Variants in SCAPER observed in about 807,000 individuals in gnomAD.
SCAPER encodes S-phase cyclin A associated protein in the ER.
SCAPER carries 98 observed loss-of-function variants against 182.2 expected under a neutral mutation model. That is an observed-to-expected ratio of 0.54 (90% CI 0.46 to 0.64). SCAPER has a LOEUF of 0.64. SCAPER is among the 30% of genes least tolerant of loss of function. The probability of loss-of-function intolerance (pLI) is 0.00; values close to 1 mark genes in which losing one functional copy is unlikely to be tolerated. For missense variants in SCAPER, 1,432 were observed against 1,690.0 expected (o/e 0.85, Z 2.68); for synonymous variants, 605 against 564.6 (o/e 1.07, Z -1.01).
At chr15:76,512,909 A>T (rs1400785977) in intron 23 of SCAPER, among the ~76,000 whole-genome samples, 2 of 152,024 alleles carry the variant, frequency 1.3e-5, no homozygotes, top group East Asian at 1.9e-4. Flanking sequence ...CTGTGAAATT[A>T]AAAAATCTCC....
intron 10 of SCAPER, among the ~76,000 whole-genome samples, chr15:76,767,916 A>G (rs973219520): frequency 3.3e-5 from 5 of 152,146 alleles, no homozygotes; most frequent in African/African-American, 1.2e-4. Flanking sequence ...AGAAAGCTGA[A>G]GTATTAACAT....
At chr15:76,476,872 T>C (rs561657290) in intron 24 of SCAPER, among the ~76,000 whole-genome samples, 1 of 151,354 alleles carries the variant, frequency 6.6e-6, no homozygotes, top group South Asian at 2.1e-4. Context: ...GATATAAAAA[T>C]TTACTTCAAT....
intron 29 of SCAPER, among the ~76,000 whole-genome samples, chr15:76,366,120 C>CAT (rs1596313183): frequency 7.4e-6 from 1 of 135,322 alleles, no homozygotes; most frequent in African/African-American, 2.6e-5. Context: ...CACACACACA[C>CAT]ACTACTGGAA....
chr15:76,581,574 T>C (rs371325950), intron 22 of SCAPER, among the ~76,000 whole-genome samples: 3 of 152,290 alleles, frequency 2.0e-5, no homozygotes, highest in East Asian at 1.9e-4. Context: ...ATCATTTCAA[T>C]TGATGCTGAA....
chr15:76,441,608 T>C (rs2047606419), intron 25 of SCAPER, among the ~76,000 whole-genome samples: 1 of 152,200 alleles, frequency 6.6e-6, no homozygotes, highest in Non-Finnish European at 1.5e-5. Context: ...GTATTTCCTC[T>C]GCCTGGAATA....
intron 25 of SCAPER, among the ~76,000 whole-genome samples, chr15:76,468,720 T>G (rs963920819): frequency 6.6e-6 from 1 of 152,180 alleles, no homozygotes; most frequent in Non-Finnish European, 1.5e-5. Flanking sequence ...ATTTACTGTA[T>G]GTACTAGGGT....
intron 8 of SCAPER, chr15:76,793,269 CAA>C: frequency 2.1e-6 from 2 of 952,320 alleles, no homozygotes; most frequent in East Asian, 5.2e-5. Context: ...GTCTTCATCT[CAA>C]GTCTCCTGGC....
At chr15:76,754,880 G>A (rs1253290730) in intron 14 of SCAPER, among the ~76,000 whole-genome samples, 2 of 152,040 alleles carry the variant, frequency 1.3e-5, no homozygotes, top group East Asian at 3.9e-4. Context: ...ATAAAATGAG[G>A]TTCAGTACCT....
chr15:76,649,569 A>T (rs145885765), intron 21 of SCAPER, among the ~76,000 whole-genome samples: 207 of 150,714 alleles, frequency 1.4e-3, no homozygotes, highest in African/African-American at 4.6e-3. Flanking sequence ...TATTTATATT[A>T]AATAGTTTCT....
chr15:76,366,867 C>T (rs1319441774), intron 29 of SCAPER, among the ~76,000 whole-genome samples: 1 of 152,170 alleles, frequency 6.6e-6, no homozygotes, highest in Non-Finnish European at 1.5e-5. Flanking sequence ...TGGCAGCTGA[C>T]CAGAACCAGA....
At chr15:76,716,724 G>C (rs1392017751) in intron 17 of SCAPER, among the ~76,000 whole-genome samples, 1 of 151,622 alleles carries the variant, frequency 6.6e-6, no homozygotes, top group African/African-American at 2.4e-5. Flanking sequence ...AACCTTGAAG[G>C]TTTCTGAAAT....
chr15:76,707,453 T>C (rs1448469625), intron 17 of SCAPER, among the ~76,000 whole-genome samples: 1 of 152,076 alleles, frequency 6.6e-6, no homozygotes, highest in Non-Finnish European at 1.5e-5. Flanking sequence ...ACCATGTGAA[T>C]AGTAGATACG....
intron 14 of SCAPER, among the ~76,000 whole-genome samples, chr15:76,759,689 G>A (rs1312911795): frequency 6.6e-6 from 1 of 152,138 alleles, no homozygotes. Flanking sequence ...ATTGAACTTT[G>A]TCAAGTGTTT....
At chr15:76,455,458 C>G (rs959785426) in intron 25 of SCAPER, among the ~76,000 whole-genome samples, 1 of 151,994 alleles carries the variant, frequency 6.6e-6, no homozygotes, top group Non-Finnish European at 1.5e-5. Flanking sequence ...AAGGTATAAA[C>G]TTTCCTGTAA....
chr15:76,391,284 C>T (rs533337160), intron 27 of SCAPER, among the ~76,000 whole-genome samples: 1 of 152,284 alleles, frequency 6.6e-6, no homozygotes, highest in African/African-American at 2.4e-5. Flanking sequence ...AAGCCCTTGA[C>T]CAAGACATTC....
chr15:76,732,567 C>T (rs1412697527), intron 16 of SCAPER, among the ~76,000 whole-genome samples: 3 of 152,056 alleles, frequency 2.0e-5, no homozygotes, highest in African/African-American at 4.8e-5. Context: ...CATTGCCAAG[C>T]GGACCGTGGT....
At chr15:76,530,514 C>T (rs951967690) in intron 23 of SCAPER, among the ~76,000 whole-genome samples, 4 of 152,170 alleles carry the variant, frequency 2.6e-5, no homozygotes, top group Non-Finnish European at 4.4e-5. Flanking sequence ...GTACTGGCCT[C>T]CACTGTCCCA....
intron 6 of SCAPER, 62 bp from the exon 7 acceptor site, chr15:76,800,426 T>C (rs1425947839): frequency 2.8e-6 from 3 of 1,076,428 alleles, no homozygotes; most frequent in African/African-American, 1.6e-5. Flanking sequence ...CAAATAATCT[T>C]TTCTCTTGGT....
intron 21 of SCAPER, among the ~76,000 whole-genome samples, chr15:76,638,034 T>G (rs2053789634): frequency 6.6e-6 from 1 of 152,084 alleles, no homozygotes; most frequent in Admixed American, 6.6e-5. Flanking sequence ...ATTTATATAT[T>G]CTGGACATAA....
Sources: allele counts gnomAD v4.1 joint callset (sites outside exome capture counted in the v4.1 genomes callset), GRCh38; gene constraint gnomAD v4.1.1; transcripts MANE v1.5; gene names NCBI Gene and HGNC (gene_info 2026-07-23, HGNC 2026-07-21).